Variants in CSMD3 observed in about 807,000 individuals in gnomAD.
CSMD3 encodes CUB and sushi domain-containing protein 3.
In CSMD3, 177 loss-of-function variants were observed where a neutral mutation model predicts 435.2. The ratio of observed to expected loss-of-function variants is 0.41; its 90% CI spans 0.36 to 0.46. CSMD3 has a LOEUF of 0.46. CSMD3 is among the 20% of genes least tolerant of loss of function. The pLI is 0.34. For missense variants in CSMD3, 4,265 were observed against 4,504.6 expected (o/e 0.95, Z 1.52); for synonymous variants, 1,656 against 1,520.5 (o/e 1.09, Z -2.07).
rs1260865312 is a variant in CSMD3, at chr8:112,503,968, T to C, written c.4905A>G (p.Ile1635Met). Residue 1635 changes from isoleucine to methionine, a missense_variant, in exon 30 of 71, where the codon ATA (isoleucine) becomes ATG (methionine). By Grantham distance (10) the Ile-to-Met change is conservative. Coordinates refer to ENST00000297405, the MANE Select transcript of CSMD3 (RefSeq NM_198123.2). ...VISLAFISFS[I>M]EPNYDFLYIY... ...TATAGAGGAAGTCATAGTTTGGTTC[T>C]ATGCTAAAACTGAAAAAAAAAAGGA... The C allele has an allele frequency of 1.2e-6, 2 of 1,601,204 alleles. No homozygotes were observed. The highest frequency in any genetic ancestry group is 1.7e-6 in the Non-Finnish European group (2 of 1,170,454).
At chr8:112,946,157 A>G (rs1046913827) in intron 9 of CSMD3, among the ~76,000 whole-genome samples, 1 of 151,790 alleles carries the variant, frequency 6.6e-6, no homozygotes, top group African/African-American at 2.4e-5. Flanking sequence ...GACCAAGTAA[A>G]TATTAATGTC....
chr8:112,829,241 G>A (rs1420503479), intron 12 of CSMD3, among the ~76,000 whole-genome samples: 1 of 152,110 alleles, frequency 6.6e-6, no homozygotes, highest in Non-Finnish European at 1.5e-5. Context: ...TCCTGGAGAT[G>A]TTGATTCACT....
chr8:112,333,611 G>C (rs1824279692), intron 45 of CSMD3, among the ~76,000 whole-genome samples: 1 of 151,382 alleles, frequency 6.6e-6, no homozygotes, highest in Non-Finnish European at 1.5e-5. Flanking sequence ...CTAAGATTTT[G>C]TGTTTATGTA....
chr8:112,869,311 A>C (rs1199063686), intron 10 of CSMD3, among the ~76,000 whole-genome samples: 4 of 152,220 alleles, frequency 2.6e-5, no homozygotes, highest in Non-Finnish European at 4.4e-5. Context: ...AGCATCTAGC[A>C]CTGAAAACTC....
chr8:112,392,289 A>G (rs1830482594), intron 35 of CSMD3, among the ~76,000 whole-genome samples: 1 of 150,458 alleles, frequency 6.6e-6, no homozygotes, highest in Non-Finnish European at 1.5e-5. Flanking sequence ...TTCCAAAGAC[A>G]AACGCAAAAA....
intron 69 of CSMD3, among the ~76,000 whole-genome samples, chr8:112,229,178 T>A (rs1312024538): frequency 6.6e-6 from 1 of 152,148 alleles, no homozygotes; most frequent in Admixed American, 6.6e-5. Flanking sequence ...TAAGTGTGTA[T>A]ATCAAGCATG....
intron 10 of CSMD3, among the ~76,000 whole-genome samples, chr8:112,870,230 A>G (rs1042690627): frequency 3.3e-5 from 5 of 151,508 alleles, no homozygotes; most frequent in Admixed American, 3.3e-4. Flanking sequence ...ATTGCAAATC[A>G]AAACCACAAT....
intron 12 of CSMD3, among the ~76,000 whole-genome samples, chr8:112,828,076 T>C (rs73702234): frequency 0.013 from 2,009 of 152,338 alleles, 46 homozygotes; most frequent in African/African-American, 0.046. Flanking sequence ...GCATGTAAAA[T>C]ATATGCAATT....
intron 20 of CSMD3, chr8:112,643,595 C>T (rs1270265104): frequency 1.2e-5 from 2 of 168,498 alleles, no homozygotes; most frequent in Admixed American, 1.3e-4. Context: ...AGTATGTAGC[C>T]CTCCACTCCC....
At position 112,823,482 on chromosome 8, in the gene CSMD3, A is replaced by G. The variant is rs144436753; in HGVS notation, c.1859+6204T>C. Among the ~76,000 whole-genome samples, 1,065 of 152,180 alleles carry G rather than the reference A, an allele frequency of 7.0e-3. 16 individuals are homozygous for G. Among genetic ancestry groups the G allele is most frequent in the African/African-American group, 0.024 (999 of 41,526 alleles). On this transcript the variant is annotated intron_variant, in intron 12 of 70. Transcript: ENST00000297405. ...TAGTGCTATAAATTTCCCTCTTAAC[A>G]CTACTTTAGCTGTGTCCCAGAGATT... is the stretch of plus-strand genomic sequence containing the variant.
chr8:112,770,947 C>A (rs548093928), intron 13 of CSMD3, among the ~76,000 whole-genome samples: 93 of 152,026 alleles, frequency 6.1e-4, no homozygotes, highest in Non-Finnish European at 1.1e-3. Context: ...TATGTCAATT[C>A]TAATGTCAAG....
At chr8:112,420,898 T>G (rs1348755757) in intron 32 of CSMD3, among the ~76,000 whole-genome samples, 1 of 152,120 alleles carries the variant, frequency 6.6e-6, no homozygotes, top group African/African-American at 2.4e-5. Flanking sequence ...AGCTCTTGCT[T>G]TCATTGAATT....
rs80220867 is a variant in CSMD3 at position 112,666,996 on chromosome 8, T to A, written c.2678-581A>T. Among the ~76,000 whole-genome samples, 490 of 152,276 alleles carry A rather than the reference T, an allele frequency of 3.2e-3. 4 individuals are homozygous for A. Among genetic ancestry groups the A allele is most frequent in the African/African-American group, 0.01 (431 of 41,576 alleles). On this transcript the variant is annotated intron_variant, in intron 16 of 70. Coordinates refer to ENST00000297405, the MANE Select transcript of CSMD3 (RefSeq NM_198123.2). ...CCCCTTTCTTAGATTTGTATTTTGA[T>A]CTCTTTTCTTTTTAATATCAAATTT...
At chr8:112,379,423 C>T (rs895104733) in intron 38 of CSMD3, among the ~76,000 whole-genome samples, 3 of 152,120 alleles carry the variant, frequency 2.0e-5, no homozygotes, top group Non-Finnish European at 4.4e-5. Context: ...GAGCCAAGAT[C>T]ATGCCATTCC....
At chr8:112,431,423 T>G (rs1813695278) in intron 32 of CSMD3, among the ~76,000 whole-genome samples, 1 of 152,102 alleles carries the variant, frequency 6.6e-6, no homozygotes, top group Admixed American at 6.6e-5. Flanking sequence ...TTCTAAAAGG[T>G]AATTTTCTCA....
At chr8:112,504,956 T>C (rs1378363909) in intron 29 of CSMD3, among the ~76,000 whole-genome samples, 2 of 152,172 alleles carry the variant, frequency 1.3e-5, no homozygotes, top group African/African-American at 2.4e-5. Context: ...AAAACTATTT[T>C]GGCAAGTTTT....
intron 3 of CSMD3, among the ~76,000 whole-genome samples, chr8:113,233,463 AC>A (rs1190014992): frequency 6.6e-6 from 1 of 150,894 alleles, no homozygotes; most frequent in African/African-American, 2.4e-5. Flanking sequence ...AAAAAAGTAA[AC>A]TAATAATTAT....
chr8:113,090,763 T>C (rs1386537228), intron 5 of CSMD3, among the ~76,000 whole-genome samples: 2 of 152,130 alleles, frequency 1.3e-5, no homozygotes, highest in East Asian at 1.9e-4. Context: ...AAGCTTATAA[T>C]TGTTTCTCTT....
chr8:112,388,734 C>T (rs1012189422), intron 36 of CSMD3, among the ~76,000 whole-genome samples: 2 of 152,154 alleles, frequency 1.3e-5, no homozygotes, highest in African/African-American at 4.8e-5. Flanking sequence ...ATCATTTATT[C>T]AGTCCCTCAT....
Sources: allele counts gnomAD v4.1 joint callset (sites outside exome capture counted in the v4.1 genomes callset), GRCh38; gene constraint gnomAD v4.1.1; transcripts MANE v1.5; gene names NCBI Gene and HGNC (gene_info 2026-07-23, HGNC 2026-07-21).